The following SNTG1 variants were observed in gnomAD, a reference collection of about 807,000 sequenced individuals.
SNTG1 encodes gamma-1-syntrophin.
Under a neutral mutation model 74.7 loss-of-function variants are expected in SNTG1, and 39 were observed. That is an observed-to-expected ratio of 0.52 (90% CI 0.40 to 0.68). The LOEUF (loss-of-function observed/expected upper bound fraction) is 0.68. Ranked by LOEUF, SNTG1 falls within the 30% of genes least tolerant of loss-of-function variation. The probability of loss-of-function intolerance (pLI) is 0.00; values close to 1 mark genes in which losing one functional copy is unlikely to be tolerated. For synonymous variants in SNTG1, 254 were observed against 217.1 expected (o/e 1.17, Z -1.49); for missense variants, 685 against 609.5 (o/e 1.12, Z -1.30).
At chr8:50,721,339 A>G (rs1444121474) in intron 17 of SNTG1, among the ~76,000 whole-genome samples, 1 of 152,214 alleles carries the variant, frequency 6.6e-6, no homozygotes. Flanking sequence ...TCCCACTGAC[A>G]TTCTCTAGGT....
intron 1 of SNTG1, among the ~76,000 whole-genome samples, chr8:50,027,266 G>T (rs1017025075): frequency 1.3e-5 from 2 of 152,052 alleles, no homozygotes; most frequent in African/African-American, 4.8e-5. Flanking sequence ...CCAAGGTTTT[G>T]TTATATTTCT....
intron 1 of SNTG1, among the ~76,000 whole-genome samples, chr8:49,936,946 C>T (rs1241364297): frequency 6.6e-6 from 1 of 152,076 alleles, no homozygotes. Context: ...GTCAGGAGTT[C>T]CAGACCAGCC....
intron 1 of SNTG1, among the ~76,000 whole-genome samples, chr8:49,953,648 C>A (rs1221713324): frequency 1.3e-5 from 2 of 152,134 alleles, no homozygotes; most frequent in East Asian, 3.9e-4. Context: ...TATTTGTTAT[C>A]TCATCAGGGT....
intron 2 of SNTG1, among the ~76,000 whole-genome samples, chr8:50,314,797 C>T (rs916303270): frequency 1.3e-5 from 2 of 149,718 alleles, no homozygotes; most frequent in African/African-American, 5.0e-5. Flanking sequence ...TGTAATCTCC[C>T]CAGTTAAATG....
chr8:50,398,389 C>A (rs1333390104), intron 3 of SNTG1, among the ~76,000 whole-genome samples: 1 of 152,220 alleles, frequency 6.6e-6, no homozygotes, highest in Non-Finnish European at 1.5e-5. Context: ...AGCGCACCTT[C>A]ATTTTCTTGC....
intron 15 of SNTG1, among the ~76,000 whole-genome samples, chr8:50,674,311 T>A (rs1454956336): frequency 6.6e-6 from 1 of 151,962 alleles, no homozygotes; most frequent in Non-Finnish European, 1.5e-5. Flanking sequence ...GTCCTGGGCT[T>A]TTTTTGGTTG....
chr8:50,715,378 T>C (rs2095472581), intron 17 of SNTG1, among the ~76,000 whole-genome samples: 1 of 152,226 alleles, frequency 6.6e-6, no homozygotes, highest in South Asian at 2.1e-4. Flanking sequence ...TTTATTATTA[T>C]TTAATGTTTT....
intron 11 of SNTG1, among the ~76,000 whole-genome samples, chr8:50,547,303 A>T (rs1440692702): frequency 2.0e-5 from 3 of 152,192 alleles, no homozygotes; most frequent in African/African-American, 7.2e-5. Flanking sequence ...TTTAGAAAAC[A>T]TCAACTAAAT....
chr8:50,766,949 TGAAGA>T (rs1340207702), intron 18 of SNTG1, among the ~76,000 whole-genome samples: 1 of 151,836 alleles, frequency 6.6e-6, no homozygotes, highest in Non-Finnish European at 1.5e-5. Flanking sequence ...TATTAATAAG[TGAAGA>T]GATTTTATTT....
chr8:49,941,447 A>G (rs1489248776), intron 1 of SNTG1, among the ~76,000 whole-genome samples: 2 of 148,166 alleles, frequency 1.3e-5, no homozygotes, highest in African/African-American at 4.9e-5. Context: ...ATGTTTATAT[A>G]TTATATATTA....
At chr8:50,016,452 G>A (rs1358024584) in intron 1 of SNTG1, among the ~76,000 whole-genome samples, 1 of 152,062 alleles carries the variant, frequency 6.6e-6, no homozygotes, top group African/African-American at 2.4e-5. Context: ...TTGTATAGTT[G>A]TAAGGGGACA....
At chr8:50,129,928 G>T (rs1261423231) in intron 1 of SNTG1, among the ~76,000 whole-genome samples, 2 of 151,998 alleles carry the variant, frequency 1.3e-5, no homozygotes, top group Admixed American at 6.6e-5. Flanking sequence ...GTGAGCCACT[G>T]CACCTTGAGC....
chr8:50,417,324 G>T (rs1453356962), intron 4 of SNTG1, among the ~76,000 whole-genome samples: 1 of 152,086 alleles, frequency 6.6e-6, no homozygotes, highest in Non-Finnish European at 1.5e-5. Context: ...TATATTCTGA[G>T]ACTTAGCGAT....
intron 13 of SNTG1, among the ~76,000 whole-genome samples, chr8:50,635,121 T>C (rs1179805422): frequency 6.6e-6 from 1 of 152,132 alleles, no homozygotes; most frequent in African/African-American, 2.4e-5. Flanking sequence ...ATCTAAATCT[T>C]ATCATCTCAA....
At chr8:50,249,554 A>G (rs4431606) in intron 2 of SNTG1, among the ~76,000 whole-genome samples, 143,060 of 152,260 alleles carry the variant, frequency 0.94, 67,831 homozygotes, top group East Asian at 1. Flanking sequence ...CTTACAGACC[A>G]GGCAGTGACC....
In SNTG1 at chr8:50,562,536, C is replaced by T. The variant is rs146939367; in HGVS notation, c.810+9357C>T. Among the ~76,000 whole-genome samples, 819 of 152,286 alleles carry T rather than the reference C, an allele frequency of 5.4e-3. 7 individuals are homozygous for T. Among genetic ancestry groups the T allele is most frequent in the African/African-American group, 0.018 (758 of 41,550 alleles). ...AGAAAGCAGCACAGCCCTGCCAACA[C>T]CTCAATTTCTCCCCTGTTTGATTCA... is the stretch of plus-strand genomic sequence containing the variant. On this transcript the variant is annotated intron_variant, in intron 12 of 18. Transcript: ENST00000642720.
intron 1 of SNTG1, among the ~76,000 whole-genome samples, chr8:49,997,113 G>A (rs1563448553): frequency 6.6e-6 from 1 of 151,942 alleles, no homozygotes; most frequent in East Asian, 1.9e-4. Flanking sequence ...ACCTAAACTA[G>A]GCAACTCTGT....
intron 13 of SNTG1, among the ~76,000 whole-genome samples, chr8:50,649,587 C>T (rs1280410251): frequency 6.6e-6 from 1 of 152,100 alleles, no homozygotes; most frequent in Admixed American, 6.6e-5. Context: ...TCTTTCTGTC[C>T]TTTTAATTGT....
intron 15 of SNTG1, among the ~76,000 whole-genome samples, chr8:50,664,758 A>C (rs934142894): frequency 1.3e-5 from 2 of 152,122 alleles, no homozygotes; most frequent in Non-Finnish European, 2.9e-5. Context: ...GGAAGATCGG[A>C]CGTAACTGCA....
Sources: gnomAD v4.1 joint callset for allele counts (sites outside exome capture counted in the v4.1 genomes callset) on GRCh38, gnomAD v4.1.1 for gene constraint, MANE v1.5 for transcripts, NCBI Gene and HGNC (gene_info 2026-07-23, HGNC 2026-07-21) for gene names.